Variants in ANO3 observed in about 807,000 individuals in gnomAD.
ANO3 encodes the protein anoctamin-3.
A neutral mutation model predicts 144.8 loss-of-function variants in ANO3; 99 were observed. The observed-to-expected ratio is 0.68, with a 90% CI of 0.58 to 0.81. The LOEUF (loss-of-function observed/expected upper bound fraction) is 0.81. ANO3 is among the 30% of genes least tolerant of loss of function. The pLI is 0.00. For synonymous variants in ANO3, 414 were observed against 392.6 expected (o/e 1.05, Z -0.64); for missense variants, 905 against 1,202.2 (o/e 0.75, Z 3.66).
chr11:26,485,090 G>C (rs998702134), intron 4 of ANO3, among the ~76,000 whole-genome samples: 2 of 152,078 alleles, frequency 1.3e-5, no homozygotes, highest in African/African-American at 4.8e-5. Flanking sequence ...ATGAAACTTT[G>C]GACTGCAGAC....
intron 10 of ANO3, among the ~76,000 whole-genome samples, chr11:26,539,661 G>A (rs1249859995): frequency 2.0e-5 from 3 of 152,140 alleles, no homozygotes; most frequent in South Asian, 2.1e-4. Flanking sequence ...GACTCAAGGT[G>A]TCTTCTTTCC....
At chr11:26,326,188 T>C (rs962530768) in intron 1 of ANO3, among the ~76,000 whole-genome samples, 1 of 152,174 alleles carries the variant, frequency 6.6e-6, no homozygotes, top group Admixed American at 6.6e-5. Flanking sequence ...AAATAATGCA[T>C]ATTTGATGGT....
intron 1 of ANO3, among the ~76,000 whole-genome samples, chr11:26,367,698 G>C (rs1856131959): frequency 6.6e-6 from 1 of 152,088 alleles, no homozygotes; most frequent in Admixed American, 6.6e-5. Flanking sequence ...GGTTTAATTG[G>C]CTTGTAGTTC....
At chr11:26,517,564 A>C (rs1450501082) in intron 6 of ANO3, among the ~76,000 whole-genome samples, 3 of 152,050 alleles carry the variant, frequency 2.0e-5, no homozygotes, top group Non-Finnish European at 4.4e-5. Flanking sequence ...CTTACTATGC[A>C]AAGTATTTAC....
At chr11:26,354,701 T>C (rs1855732421) in intron 1 of ANO3, among the ~76,000 whole-genome samples, 1 of 152,172 alleles carries the variant, frequency 6.6e-6, no homozygotes, top group African/African-American at 2.4e-5. Flanking sequence ...GTTGAATTAT[T>C]TGAAATTTAA....
intron 1 of ANO3, among the ~76,000 whole-genome samples, chr11:26,367,895 AG>A: frequency 6.6e-6 from 1 of 152,292 alleles, no homozygotes; most frequent in East Asian, 1.9e-4. Flanking sequence ...TACAACAACC[AG>A]GTCTCATTAG....
At chr11:26,283,848 C>T (rs11029471) in intron 1 of ANO3, among the ~76,000 whole-genome samples, 6,015 of 152,076 alleles carry the variant, frequency 0.04, 241 homozygotes, top group African/African-American at 0.11. Context: ...CAATGGGATG[C>T]TATGAAAAGG....
At chr11:26,525,867 C>A (rs1396646629) in intron 7 of ANO3, among the ~76,000 whole-genome samples, 188 bp downstream of exon 7, 1 of 152,030 alleles carries the variant, frequency 6.6e-6, no homozygotes, top group Non-Finnish European at 1.5e-5. Flanking sequence ...CTTTTTGTTA[C>A]AATTTATCAT....
At chr11:26,211,824 A>G (rs1366360134) in intron 1 of ANO3, among the ~76,000 whole-genome samples, 1 of 152,164 alleles carries the variant, frequency 6.6e-6, no homozygotes, top group Non-Finnish European at 1.5e-5. Flanking sequence ...ATGTCCATCA[A>G]TTATAGACTG....
chr11:26,341,937 T>C (rs915281057), intron 1 of ANO3, among the ~76,000 whole-genome samples: 5 of 152,328 alleles, frequency 3.3e-5, no homozygotes, highest in African/African-American at 1.2e-4. Context: ...GGCTGGCAGC[T>C]GATTAGATGG....
chr11:26,474,422 GTTT>G (rs1365493875), intron 4 of ANO3, among the ~76,000 whole-genome samples: 1 of 151,278 alleles, frequency 6.6e-6, no homozygotes, highest in African/African-American at 2.4e-5. Context: ...CTCTAAAATG[GTTT>G]TTTATTCAAA....
intron 14 of ANO3, among the ~76,000 whole-genome samples, chr11:26,562,609 G>A (rs1212312879): frequency 6.6e-6 from 1 of 151,858 alleles, no homozygotes; most frequent in African/African-American, 2.4e-5. Flanking sequence ...AAGGTACAAT[G>A]TGACTGTGTG....
intron 14 of ANO3, chr11:26,561,049 C>A: frequency 6.3e-7 from 1 of 1,599,176 alleles, no homozygotes; most frequent in South Asian, 1.1e-5. Context: ...TGTTTAACGC[C>A]TTTTTGCTGT....
intron 1 of ANO3, among the ~76,000 whole-genome samples, chr11:26,196,846 T>G (rs193171493): frequency 6.6e-6 from 1 of 152,296 alleles, no homozygotes; most frequent in East Asian, 1.9e-4. Flanking sequence ...GTATAAAATG[T>G]TCACTATTTG....
intron 1 of ANO3, among the ~76,000 whole-genome samples, chr11:26,302,099 T>C (rs1278246845): frequency 2.0e-5 from 3 of 152,364 alleles, no homozygotes; most frequent in South Asian, 2.1e-4. Context: ...GTGCTGTCTG[T>C]CTCATATAAT....
At chr11:26,467,273 G>A (rs529976453) in intron 4 of ANO3, among the ~76,000 whole-genome samples, 9 of 151,860 alleles carry the variant, frequency 5.9e-5, no homozygotes, top group South Asian at 2.1e-4. Flanking sequence ...ATCACCTCAC[G>A]CATTTATCCT....
chr11:26,557,722 CCCATGATCTAAG>C (rs1850130394), intron 13 of ANO3, among the ~76,000 whole-genome samples: 1 of 152,100 alleles, frequency 6.6e-6, no homozygotes, highest in African/African-American at 2.4e-5. Context: ...CTGTCAATCA[CCCATGATCTAAG>C]CTTGAGCCAT....
intron 1 of ANO3, among the ~76,000 whole-genome samples, chr11:26,420,965 T>C (rs898479349): frequency 2.6e-5 from 4 of 152,028 alleles, no homozygotes; most frequent in African/African-American, 9.7e-5. Context: ...GTGTGTTATA[T>C]TGCAAAGAGC....
intron 11 of ANO3, among the ~76,000 whole-genome samples, chr11:26,544,582 A>G (rs913687051): frequency 3.6e-5 from 3 of 84,358 alleles, no homozygotes; most frequent in Admixed American, 1.3e-4. Flanking sequence ...TGCTGAGTAC[A>G]TTTTAAATGT....
Sources: gnomAD v4.1 joint callset for allele counts (sites outside exome capture counted in the v4.1 genomes callset) on GRCh38, gnomAD v4.1.1 for gene constraint, MANE v1.5 for transcripts, NCBI Gene and HGNC (gene_info 2026-07-23, HGNC 2026-07-21) for gene names.